The following GALNT13 variants were observed in gnomAD, a reference collection of about 807,000 sequenced individuals.
GALNT13 encodes UDP-GalNAc:polypeptide N-acetylgalactosaminyltransferase 13.
GALNT13 carries 28 observed loss-of-function variants against 64.2 expected under a neutral mutation model. The ratio of observed to expected loss-of-function variants is 0.44; its 90% CI spans 0.32 to 0.60. The LOEUF (loss-of-function observed/expected upper bound fraction) is 0.60. Among genes scored for constraint, GALNT13 ranks in the 20% least tolerant of loss-of-function variants. The probability of loss-of-function intolerance (pLI) is 0.05; values close to 1 mark genes in which losing one functional copy is unlikely to be tolerated. For missense variants in GALNT13, 577 were observed against 669.8 expected (o/e 0.86, Z 1.53); for synonymous variants, 214 against 224.6 (o/e 0.95, Z 0.42).
rs78509101 is a variant in GALNT13, at chr2:154,342,461, G to A, written c.1156+40872G>A. 7.2e-3 allele frequency among the ~76,000 whole-genome samples: 1,093 copies of A among 152,034 alleles called. 16 individuals are homozygous for A. Among genetic ancestry groups the A allele is most frequent in the East Asian group, 0.037 (190 of 5,158 alleles). ...GTTAACTATGGCCATAGAACAAATC[G>A]AGGCTGCTGTCTGCTTTTGTTTTGT... is the stretch of plus-strand genomic sequence containing the variant. On this transcript the variant is annotated intron_variant, in intron 9 of 12. Transcript: ENST00000392825.
At chr2:153,073,580 T>C in the GALNT13 span, among the ~76,000 whole-genome samples, 1 of 152,112 alleles carries the variant, frequency 6.6e-6, no homozygotes, top group Non-Finnish European at 1.5e-5. Flanking sequence ...TTCAGCTTAA[T>C]TTGAAGAAAA....
the GALNT13 span, among the ~76,000 whole-genome samples, chr2:153,114,419 C>A: frequency 6.6e-6 from 1 of 152,126 alleles, no homozygotes; most frequent in Admixed American, 6.5e-5. Context: ...TTGTTGTCAG[C>A]AGTCTGATGA....
chr2:154,198,409 T>TG (rs1282418152), intron 4 of GALNT13, among the ~76,000 whole-genome samples: 8 of 152,182 alleles, frequency 5.3e-5, no homozygotes, highest in Non-Finnish European at 8.8e-5. Flanking sequence ...GTAAAGTATA[T>TG]ACAACATAAA....
At chr2:153,831,362 G>C in the GALNT13 span, among the ~76,000 whole-genome samples, 2 of 152,164 alleles carry the variant, frequency 1.3e-5, no homozygotes, top group African/African-American at 4.8e-5. Flanking sequence ...CTAATAAGAA[G>C]TGCTAGCAGG....
At chr2:153,856,713 C>T in the GALNT13 span, among the ~76,000 whole-genome samples, 1 of 152,096 alleles carries the variant, frequency 6.6e-6, no homozygotes, top group African/African-American at 2.4e-5. Flanking sequence ...CAATTGTTGA[C>T]AGTTTCTAAT....
chr2:154,018,680 G>A (rs1474524746), intron 3 of GALNT13, among the ~76,000 whole-genome samples: 1 of 151,734 alleles, frequency 6.6e-6, no homozygotes, highest in Non-Finnish European at 1.5e-5. Context: ...GAGGGGCTGA[G>A]GGAGATGGTG....
At chr2:153,315,050 T>C in the GALNT13 span, among the ~76,000 whole-genome samples, 8 of 152,174 alleles carry the variant, frequency 5.3e-5, no homozygotes, top group Non-Finnish European at 1.0e-4. Flanking sequence ...ATGGAAGTAC[T>C]AATGATAAGA....
chr2:154,078,841 G>C (rs191962211), intron 3 of GALNT13, among the ~76,000 whole-genome samples: 1 of 151,628 alleles, frequency 6.6e-6, no homozygotes, highest in Admixed American at 6.6e-5. Flanking sequence ...TTAAATCCCA[G>C]CATTGCTATG....
the GALNT13 span, among the ~76,000 whole-genome samples, chr2:153,786,214 C>A: frequency 1.3e-5 from 2 of 152,282 alleles, no homozygotes; most frequent in East Asian, 3.9e-4. Flanking sequence ...CCAGAGTCAA[C>A]CAACAACCCT....
chr2:154,370,865 C>A (rs1574180050), intron 9 of GALNT13, among the ~76,000 whole-genome samples: 1 of 152,006 alleles, frequency 6.6e-6, no homozygotes, highest in Non-Finnish European at 1.5e-5. Flanking sequence ...AAGAAAGTTT[C>A]CATTAAAACA....
chr2:153,499,081 T>G, the GALNT13 span, among the ~76,000 whole-genome samples: 5 of 152,040 alleles, frequency 3.3e-5, no homozygotes, highest in Non-Finnish European at 5.9e-5. Flanking sequence ...CTGATCTCCT[T>G]ACCTCGTGAT....
At chr2:153,870,590 C>A (rs759340784), upstream of GALNT13, among the ~76,000 whole-genome samples, 1 of 151,578 alleles carries the variant, frequency 6.6e-6, no homozygotes, top group African/African-American at 2.4e-5. Context: ...CCATAATTGA[C>A]GGTAGGGCAG....
At chr2:153,239,488 C>T in the GALNT13 span, among the ~76,000 whole-genome samples, 4 of 151,984 alleles carry the variant, frequency 2.6e-5, no homozygotes, top group African/African-American at 9.7e-5. Flanking sequence ...GCTTTTATTG[C>T]GTGGAGGTAT....
At chr2:153,149,965 A>G in the GALNT13 span, among the ~76,000 whole-genome samples, 3 of 151,832 alleles carry the variant, frequency 2.0e-5, no homozygotes, top group Non-Finnish European at 4.4e-5. Context: ...GCTATAGACA[A>G]CTTTCAGTGG....
At chr2:153,242,145 A>G in the GALNT13 span, among the ~76,000 whole-genome samples, 1 of 152,194 alleles carries the variant, frequency 6.6e-6, no homozygotes, top group South Asian at 2.1e-4. Context: ...TGGGAAAAGC[A>G]ATAGAAACTG....
Position 154,151,943 on chromosome 2 carries a change from A to G in GALNT13, c.311+11438A>G, listed in dbSNP as rs1352067262. Among the ~76,000 whole-genome samples, 3 of 152,088 alleles carry G rather than the reference A, an allele frequency of 2.0e-5. No homozygotes were observed. In the East Asian group the frequency reaches 5.8e-4, roughly 29 times the overall value. ...TAGCCCATTTACATTTAAGGCTAAT[A>G]TTGTTATGTGTGAATTTGATCCTGT... On this transcript the variant is annotated intron_variant, in intron 4 of 12. Transcript: ENST00000392825.
intron 3 of GALNT13, among the ~76,000 whole-genome samples, chr2:153,974,563 T>C (rs887374765): frequency 1.3e-5 from 2 of 151,894 alleles, no homozygotes; most frequent in African/African-American, 4.8e-5. Flanking sequence ...TGCATGCTAG[T>C]GGAGGAGATA....
chr2:153,281,392 T>C, the GALNT13 span, among the ~76,000 whole-genome samples: 2 of 152,114 alleles, frequency 1.3e-5, no homozygotes, highest in Non-Finnish European at 2.9e-5. Context: ...ATATTTAGTA[T>C]TGGTATGAGA....
the GALNT13 span, among the ~76,000 whole-genome samples, chr2:153,158,185 A>G: frequency 6.6e-6 from 1 of 152,272 alleles, no homozygotes; most frequent in East Asian, 1.9e-4. Flanking sequence ...TTAATTTTGT[A>G]CAAGTCAACT....
Sources: gnomAD v4.1 joint callset for allele counts (sites outside exome capture counted in the v4.1 genomes callset) on GRCh38, gnomAD v4.1.1 for gene constraint, MANE v1.5 for transcripts, NCBI Gene and HGNC (gene_info 2026-07-23, HGNC 2026-07-21) for gene names.